RARB: variants seen among roughly 807,000 people sequenced by gnomAD.
RARB encodes the protein HBV-activated protein.
Under a neutral mutation model 51.9 loss-of-function variants are expected in RARB, and 17 were observed. That is an observed-to-expected ratio of 0.33 (90% CI 0.22 to 0.49). The LOEUF (loss-of-function observed/expected upper bound fraction) is 0.49. Ranked by LOEUF, RARB falls within the 20% of genes least tolerant of loss-of-function variation. RARB has a pLI of 0.99. For missense variants in RARB, 369 were observed against 550.8 expected (o/e 0.67, Z 3.30); for synonymous variants, 215 against 195.4 (o/e 1.10, Z -0.84).
chr3:25,216,155 G>T (rs1054340713), intron 5 of RARB, among the ~76,000 whole-genome samples: 1 of 152,076 alleles, frequency 6.6e-6, no homozygotes, highest in Admixed American at 6.6e-5. Flanking sequence ...ACCACCCATG[G>T]AAGAGGCTAG....
At chr3:25,077,511 T>G (rs1226230139) in intron 3 of RARB, among the ~76,000 whole-genome samples, 4 of 152,210 alleles carry the variant, frequency 2.6e-5, no homozygotes. Context: ...TGTCGTTGTA[T>G]GTTTTAATAG....
intron 1 of RARB, among the ~76,000 whole-genome samples, chr3:25,457,020 C>T (rs1332494075): frequency 1.3e-5 from 2 of 151,966 alleles, no homozygotes; most frequent in Admixed American, 1.3e-4. Context: ...AGTTTGGATT[C>T]GCCTGGGAAT....
chr3:25,099,888 G>A (rs1699367741), intron 3 of RARB, among the ~76,000 whole-genome samples: 1 of 152,188 alleles, frequency 6.6e-6, no homozygotes, highest in African/African-American at 2.4e-5. Flanking sequence ...AAAGCCATGG[G>A]AAGACATTAG....
chr3:25,205,423 TCCACTGTCCTGCAC>T (rs1264557011), intron 5 of RARB, among the ~76,000 whole-genome samples: 1 of 152,096 alleles, frequency 6.6e-6, no homozygotes, highest in African/African-American at 2.4e-5. Flanking sequence ...GTGCGCTGCA[TCCACTGTCCTGCAC>T]CCACTGTCCA....
At chr3:25,103,408 G>A (rs1396434861) in intron 3 of RARB, among the ~76,000 whole-genome samples, 1 of 152,136 alleles carries the variant, frequency 6.6e-6, no homozygotes, top group African/African-American at 2.4e-5. Flanking sequence ...GGTTAAAGAT[G>A]ACTTATTTGA....
intron 3 of RARB, among the ~76,000 whole-genome samples, chr3:25,535,587 T>C (rs1699107962): frequency 6.6e-6 from 1 of 151,998 alleles, no homozygotes; most frequent in South Asian, 2.1e-4. Context: ...CAGGCCCTGG[T>C]GTGTGATGTT....
intron 3 of RARB, among the ~76,000 whole-genome samples, chr3:25,526,309 C>G (rs1453122951): frequency 6.6e-6 from 1 of 152,158 alleles, no homozygotes; most frequent in Non-Finnish European, 1.5e-5. Flanking sequence ...GGGTGGTGTT[C>G]TTGTAGCCCA....
chr3:25,200,759 T>C (rs1396536944), intron 5 of RARB, among the ~76,000 whole-genome samples: 7 of 152,032 alleles, frequency 4.6e-5, no homozygotes, highest in South Asian at 2.1e-4. Flanking sequence ...TGTAGATATG[T>C]GGCATTATTT....
intron 2 of RARB, among the ~76,000 whole-genome samples, chr3:25,001,854 C>G (rs1697168336): frequency 6.6e-6 from 1 of 152,118 alleles, no homozygotes; most frequent in Admixed American, 6.6e-5. Context: ...CATACATCAT[C>G]TAAACCTCTG....
intron 5 of RARB, among the ~76,000 whole-genome samples, chr3:25,414,569 G>C (rs964494130): frequency 6.6e-6 from 1 of 152,080 alleles, no homozygotes; most frequent in African/African-American, 2.4e-5. Context: ...AGCAATACTT[G>C]GTATGGCAGG....
intron 5 of RARB, among the ~76,000 whole-genome samples, chr3:25,315,723 C>T (rs781703934): frequency 3.4e-4 from 52 of 152,258 alleles, no homozygotes; most frequent in Non-Finnish European, 5.4e-4. Context: ...AAGCGATTCT[C>T]GTGCCTCAGC....
intron 3 of RARB, among the ~76,000 whole-genome samples, chr3:25,075,867 A>T (rs1446389152): frequency 6.6e-6 from 1 of 152,240 alleles, no homozygotes; most frequent in Admixed American, 6.5e-5. Flanking sequence ...CGATGAATCA[A>T]CAAATTGAAG....
At chr3:24,913,388 T>TTC (rs200133236) in intron 2 of RARB, among the ~76,000 whole-genome samples, 39 of 137,610 alleles carry the variant, frequency 2.8e-4, no homozygotes, top group African/African-American at 7.1e-4. Context: ...ATAGTCTTCT[T>TTC]TCTCTCTCTC....
chr3:25,371,963 G>C (rs541301500), intron 5 of RARB, among the ~76,000 whole-genome samples: 2 of 152,206 alleles, frequency 1.3e-5, no homozygotes, highest in African/African-American at 4.8e-5. Flanking sequence ...GAATATCGGG[G>C]TGATGGGCAT....
chr3:25,428,011 C>G (rs940580975), upstream of RARB, among the ~76,000 whole-genome samples: 5 of 152,114 alleles, frequency 3.3e-5, no homozygotes, highest in African/African-American at 1.2e-4. Flanking sequence ...CGGCTCCTCC[C>G]CTGCTCATTT....
At chr3:25,473,323 G>T (rs1490887365) in intron 2 of RARB, among the ~76,000 whole-genome samples, 1 of 151,994 alleles carries the variant, frequency 6.6e-6, no homozygotes, top group Non-Finnish European at 1.5e-5. Context: ...AAAAATAGAG[G>T]GAAATAAAAC....
intron 5 of RARB, among the ~76,000 whole-genome samples, chr3:25,305,086 G>A (rs1312310390): frequency 1.3e-5 from 2 of 152,120 alleles, no homozygotes; most frequent in Non-Finnish European, 2.9e-5. Context: ...CCACGAGAGA[G>A]CCCATCCTCT....
At chr3:24,967,933 CAACA>C (rs1398003498) in intron 2 of RARB, among the ~76,000 whole-genome samples, 2 of 152,124 alleles carry the variant, frequency 1.3e-5, no homozygotes, top group Non-Finnish European at 2.9e-5. Context: ...TAAGCAGTAG[CAACA>C]AACACTATTA....
chr3:24,955,566 G>A (rs905791885), intron 2 of RARB, among the ~76,000 whole-genome samples: 7 of 152,122 alleles, frequency 4.6e-5, no homozygotes, highest in Non-Finnish European at 1.0e-4. Flanking sequence ...GTCCTCTGAG[G>A]CTTTGCTGAA....
Sources: allele counts gnomAD v4.1 joint callset (sites outside exome capture counted in the v4.1 genomes callset), GRCh38; gene constraint gnomAD v4.1.1; transcripts MANE v1.5; gene names NCBI Gene and HGNC (gene_info 2026-07-23, HGNC 2026-07-21).